KLHL24: variants seen among roughly 807,000 people sequenced by gnomAD.
KLHL24 encodes kelch-like protein 24.
In KLHL24, 29 loss-of-function variants were observed where a neutral mutation model predicts 53.4. The observed-to-expected ratio is 0.54, with a 90% confidence interval of 0.40 to 0.74. The LOEUF (loss-of-function observed/expected upper bound fraction) is 0.74, where lower values mean the gene tolerates loss of function less well. Ranked by LOEUF, KLHL24 falls within the 30% of genes least tolerant of loss-of-function variation. The pLI, the probability that KLHL24 is intolerant of heterozygous loss-of-function variation, is 0.00. For missense variants in KLHL24, 504 were observed against 744.0 expected, an observed-to-expected ratio of 0.68 and a Z score of 3.75; for synonymous variants, 222 against 253.7, an observed-to-expected ratio of 0.88 and a Z score of 1.19.
chr3:183,674,918 A>G (rs1711575559), intron 7 of KLHL24, among the ~76,000 whole-genome samples: 1 of 152,142 alleles, frequency 6.6e-6, no homozygotes, highest in South Asian at 2.1e-4. Context: ...CTCTACTTGT[A>G]ATTCTACTTA....
chr3:183,664,923 G>A lies in KLHL24; in HGVS notation c.1108G>A (p.Gly370Arg). ...ALRNDILVSG[G>R]RINSRDVWIY... ...TGTGCATTGTTTTGCATTTCAAGGT[G>A]GAAGAATCAACAGCCGTGATGTCTG... Residue 370 changes from glycine to arginine, a missense_variant and splice_region_variant, in exon 5 of 8, where the codon GGA becomes AGA. Transcript: ENST00000242810. The A allele has an allele frequency of 6.3e-7, 1 of 1,584,722 alleles. No homozygotes were observed. Among genetic ancestry groups the A allele is most frequent in the Non-Finnish European group, 8.7e-7 (1 of 1,155,782 alleles).
chr3:183,660,294 CTAATTTTTGTATTTTTTA>C (rs1267674917), intron 3 of KLHL24, among the ~76,000 whole-genome samples: 2 of 152,000 alleles, frequency 1.3e-5, no homozygotes, highest in Non-Finnish European at 2.9e-5. Flanking sequence ...CCATGCCTGA[CTAATTTTTGTATTTTTTA>C]TAGAGACAGG....
At chr3:183,647,241 C>T (rs1270004257) in intron 2 of KLHL24, among the ~76,000 whole-genome samples, 1 of 149,596 alleles carries the variant, frequency 6.7e-6, no homozygotes. Context: ...CATGGTGAAA[C>T]GTCATCTCTA....
chr3:183,664,811 T>C, intron 4 of KLHL24, 110 bp from the exon 5 acceptor site: 1 of 536,564 alleles, frequency 1.9e-6, no homozygotes, highest in East Asian at 2.9e-5. Context: ...AATTCTTGAA[T>C]TAGATGAATG....
intron 1 of KLHL24, chr3:183,636,350 A>C (rs929930537): frequency 2.0e-5 from 3 of 152,302 alleles, no homozygotes; most frequent in Admixed American, 2.0e-4. Flanking sequence ...AAGCCCCATT[A>C]AAGCGATTGC....
chr3:183,670,646 CTAAATT>C (rs1401500603), intron 5 of KLHL24, among the ~76,000 whole-genome samples: 1 of 152,110 alleles, frequency 6.6e-6, no homozygotes, highest in Non-Finnish European at 1.5e-5. Flanking sequence ...AATATTTAAG[CTAAATT>C]GTACCATTCT....
intron 1 of KLHL24, among the ~76,000 whole-genome samples, chr3:183,637,335 A>G (rs908771899): frequency 1.3e-5 from 2 of 152,184 alleles, no homozygotes; most frequent in African/African-American, 4.8e-5. Context: ...TAGTTTGAAG[A>G]TACTCCCCTA....
intron 6 of KLHL24, 63 bp from the exon 7 acceptor site, chr3:183,672,229 ATTCT>A: frequency 1.3e-6 from 1 of 780,548 alleles, no homozygotes; most frequent in Non-Finnish European, 1.9e-6. Context: ...GTATTGGTAG[ATTCT>A]TTATTAAGTA....
intron 1 of KLHL24, chr3:183,636,657 C>T (rs1221127581): frequency 6.6e-6 from 1 of 152,444 alleles, no homozygotes; most frequent in Non-Finnish European, 1.5e-5. Context: ...TGGGCGGTAC[C>T]CGAGGGAGAG....
chr3:183,637,251 G>C (rs1282172128), intron 1 of KLHL24, among the ~76,000 whole-genome samples: 16 of 152,110 alleles, frequency 1.1e-4, no homozygotes, highest in Non-Finnish European at 1.6e-4. Flanking sequence ...TTTTTATTAG[G>C]GTTGTAAAAT....
intron 1 of KLHL24, among the ~76,000 whole-genome samples, chr3:183,640,248 C>A (rs1466783609): frequency 6.6e-6 from 1 of 152,148 alleles, no homozygotes; most frequent in Non-Finnish European, 1.5e-5. Flanking sequence ...TGATGGTTAA[C>A]AAGTTTTTTT....
rs1174220986 is a variant in KLHL24 at position 183,650,561 on chromosome 3, A to G, written c.205A>G (p.Ile69Val). ...TGATAGCCGCTTATTCACAGATGTTATCATTTGTGTGGAAGGAAAAGAATT... is the reference window on the plus strand; with the variant it reads ...TGATAGCCGCTTATTCACAGATGTTGTCATTTGTGTGGAAGGAAAAGAATT... ...FRDSRLFTDVIICVEGKEFPC... is the reference protein window; with the variant it reads ...FRDSRLFTDVVICVEGKEFPC... Residue 69 changes from isoleucine to valine, a missense_variant, in exon 3 of 8, where the codon ATC becomes GTC. Transcript: ENST00000242810. The surrounding 1 kb of genome is among the most constrained non-coding windows in gnomAD (Gnocchi z 4.5). 2 of 1,614,062 alleles carry G rather than the reference A, an allele frequency of 1.2e-6. No homozygotes were observed. The highest frequency in any genetic ancestry group is 1.7e-6 in the Non-Finnish European group (2 of 1,179,928).
At chr3:183,642,595 C>A (rs1716602381) in intron 1 of KLHL24, among the ~76,000 whole-genome samples, 1 of 129,148 alleles carries the variant, frequency 7.7e-6, no homozygotes, top group African/African-American at 3.2e-5. Context: ...CTCTTCTCCC[C>A]TTCCACCAAA....
chr3:183,675,777 T>A (rs771424450), intron 7 of KLHL24, among the ~76,000 whole-genome samples: 43 of 146,604 alleles, frequency 2.9e-4, no homozygotes, highest in African/African-American at 5.0e-4. Flanking sequence ...AAAAAAAATT[T>A]AAAAAAAAAA....
intron 5 of KLHL24, among the ~76,000 whole-genome samples, chr3:183,668,712 C>T (rs746201412): frequency 2.8e-4 from 43 of 152,156 alleles, no homozygotes; most frequent in Non-Finnish European, 5.6e-4. Flanking sequence ...CAAGACCAGC[C>T]TGGCCAACAT....
chr3:183,636,969 C>T (rs900240598), intron 1 of KLHL24, among the ~76,000 whole-genome samples: 1 of 152,182 alleles, frequency 6.6e-6, no homozygotes, highest in Non-Finnish European at 1.5e-5. Flanking sequence ...GGAAAATTAA[C>T]ACCCTTTAAC....
intron 3 of KLHL24, among the ~76,000 whole-genome samples, chr3:183,659,588 A>G (rs955824509): frequency 6.6e-6 from 1 of 152,252 alleles, no homozygotes; most frequent in South Asian, 2.1e-4. Context: ...CAAAAATTCA[A>G]TAAGACCTCA....
At chr3:183,656,720 T>C (rs764353028) in intron 3 of KLHL24, among the ~76,000 whole-genome samples, 8 of 151,988 alleles carry the variant, frequency 5.3e-5, no homozygotes, top group Admixed American at 1.3e-4. Context: ...TGATATTTAC[T>C]CTGTGGTCCC....
chr3:183,645,778 A>G (rs1231330420), intron 2 of KLHL24, among the ~76,000 whole-genome samples: 1 of 152,254 alleles, frequency 6.6e-6, no homozygotes. Flanking sequence ...TGTTTGGACC[A>G]TAACATACAT....
Sources: gnomAD v4.1 joint callset for allele counts (sites outside exome capture counted in the v4.1 genomes callset) on GRCh38, gnomAD v4.1.1 for gene constraint, Gnocchi (gnomAD v3.1) non-coding constraint, MANE v1.5 for transcripts, NCBI Gene and HGNC (gene_info 2026-07-23, HGNC 2026-07-21) for gene names.